Variants in SEMA3C observed in about 807,000 individuals in gnomAD.
The protein encoded by SEMA3C is semaphorin 3C, also known as semaphorin-3C.
A neutral mutation model predicts 89.4 loss-of-function variants in SEMA3C; 47 were observed. The ratio of observed to expected loss-of-function variants is 0.53; its 90% CI spans 0.42 to 0.67. The LOEUF is 0.67. SEMA3C is among the 30% of genes least tolerant of loss of function. The pLI is 0.00. For synonymous variants in SEMA3C, 310 were observed against 320.2 expected, an observed-to-expected ratio of 0.97 and a Z score of 0.34; for missense variants, 839 against 929.1, an observed-to-expected ratio of 0.90 and a Z score of 1.26.
chr7:80,803,932 T>A (rs1374727427), intron 8 of SEMA3C, among the ~76,000 whole-genome samples, 174 bp downstream of exon 8: 3 of 151,538 alleles, frequency 2.0e-5, no homozygotes, highest in Non-Finnish European at 4.4e-5. Flanking sequence ...ATAAACACTA[T>A]ATTCAATATA....
At chr7:80,832,412 C>A (rs10251375) in intron 2 of SEMA3C, among the ~76,000 whole-genome samples, 96,963 of 151,940 alleles carry the variant, frequency 0.64, 31,216 homozygotes, top group Middle Eastern at 0.78. Context: ...CATGAGGAGA[C>A]ACTGTAGATT....
At chr7:80,885,381 C>T (rs1288317349) in intron 2 of SEMA3C, among the ~76,000 whole-genome samples, 1 of 152,082 alleles carries the variant, frequency 6.6e-6, no homozygotes, top group Non-Finnish European at 1.5e-5. Context: ...CTTTGGGAGG[C>T]TGAGGTGGGC....
intron 12 of SEMA3C, among the ~76,000 whole-genome samples, chr7:80,772,875 C>A (rs905307869): frequency 1.3e-5 from 2 of 152,092 alleles, no homozygotes; most frequent in Non-Finnish European, 2.9e-5. Context: ...CAAACAGTTT[C>A]TCAGAGTCTG....
intron 2 of SEMA3C, among the ~76,000 whole-genome samples, chr7:80,899,319 G>A (rs866560561): frequency 2.0e-5 from 3 of 152,186 alleles, no homozygotes. Context: ...GGGATTACAG[G>A]TGTGAGCCAC....
At chr7:80,826,903 G>T (rs1197050784) in intron 4 of SEMA3C, among the ~76,000 whole-genome samples, 1 of 152,058 alleles carries the variant, frequency 6.6e-6, no homozygotes, top group Non-Finnish European at 1.5e-5. Flanking sequence ...AATTTGCACA[G>T]GTATTGCATA....
At chr7:80,877,787 T>C (rs1359774552) in intron 2 of SEMA3C, among the ~76,000 whole-genome samples, 1 of 152,128 alleles carries the variant, frequency 6.6e-6, no homozygotes, top group African/African-American at 2.4e-5. Flanking sequence ...TATTTTTAAT[T>C]TTTTTTTCAG....
chr7:80,852,825 C>A (rs1790546440), intron 2 of SEMA3C, among the ~76,000 whole-genome samples: 1 of 151,960 alleles, frequency 6.6e-6, no homozygotes, highest in Admixed American at 6.6e-5. Flanking sequence ...ACTACAGGTG[C>A]CCACCACCAC....
At chr7:80,761,759 C>T in intron 13 of SEMA3C, 102 bp from the exon 14 acceptor site, 1 of 627,210 alleles carries the variant, frequency 1.6e-6, no homozygotes, top group Non-Finnish European at 2.8e-6. Flanking sequence ...AATCACTTTT[C>T]TTTATATATA....
At chr7:80,813,499 A>T (rs1789519352) in intron 5 of SEMA3C, among the ~76,000 whole-genome samples, 1 of 152,234 alleles carries the variant, frequency 6.6e-6, no homozygotes, top group Non-Finnish European at 1.5e-5. Context: ...CCCTTAAATG[A>T]TATATCTTCA....
chr7:80,864,940 T>C (rs1790890085), intron 2 of SEMA3C, among the ~76,000 whole-genome samples: 1 of 152,176 alleles, frequency 6.6e-6, no homozygotes, highest in Admixed American at 6.6e-5. Flanking sequence ...TCACTTCCTC[T>C]CATTGTTTTT....
chr7:80,867,207 C>T (rs910173896), intron 2 of SEMA3C, among the ~76,000 whole-genome samples: 6 of 152,244 alleles, frequency 3.9e-5, no homozygotes, highest in Non-Finnish European at 7.4e-5. Context: ...TTAAAACAAA[C>T]AGAAAATATC....
chr7:80,882,082 C>T (rs1360557749), intron 2 of SEMA3C, among the ~76,000 whole-genome samples: 1 of 152,146 alleles, frequency 6.6e-6, no homozygotes, highest in African/African-American at 2.4e-5. Flanking sequence ...CACTGTCCAT[C>T]CACGAAGTAC....
At chr7:80,851,017 G>T (rs1001272431) in intron 2 of SEMA3C, among the ~76,000 whole-genome samples, 7 of 151,940 alleles carry the variant, frequency 4.6e-5, no homozygotes, top group Non-Finnish European at 8.8e-5. Context: ...TCATTTCTTG[G>T]CTTGAGACCA....
At chr7:80,804,079 T>C (rs1479173807) in intron 8 of SEMA3C, 27 bp downstream of exon 8, 4 of 1,559,264 alleles carry the variant, frequency 2.6e-6, no homozygotes, top group Non-Finnish European at 3.5e-6. Context: ...TGGTCTTTCT[T>C]CAAATCGGAA....
intron 2 of SEMA3C, among the ~76,000 whole-genome samples, chr7:80,833,045 G>C (rs545513264): frequency 6.6e-6 from 1 of 151,982 alleles, no homozygotes; most frequent in African/African-American, 2.4e-5. Context: ...AAAACCAAGA[G>C]TGTGATCTTA....
intron 2 of SEMA3C, among the ~76,000 whole-genome samples, chr7:80,908,312 G>C (rs186739252): frequency 1.8e-4 from 28 of 152,232 alleles, no homozygotes; most frequent in African/African-American, 6.5e-4. Flanking sequence ...TCAAATTTCA[G>C]CGATGAATGA....
At chr7:80,754,925 C>T (rs1161841200) in intron 15 of SEMA3C, among the ~76,000 whole-genome samples, 1 of 84,980 alleles carries the variant, frequency 1.2e-5, no homozygotes, top group Non-Finnish European at 2.5e-5. Flanking sequence ...TTACAGATGC[C>T]TGCCACCATG....
chr7:80,842,088 C>A (rs145472686), intron 2 of SEMA3C, among the ~76,000 whole-genome samples: 11 of 152,100 alleles, frequency 7.2e-5, no homozygotes, highest in African/African-American at 2.4e-4. Flanking sequence ...CAGTGCTCAG[C>A]GGCTGGAGCA....
At chr7:80,842,734 T>C (rs1790298903) in intron 2 of SEMA3C, among the ~76,000 whole-genome samples, 1 of 152,094 alleles carries the variant, frequency 6.6e-6, no homozygotes, top group Non-Finnish European at 1.5e-5. Context: ...GTGGTGTTAT[T>C]TGAGGGACTG....
Sources: gnomAD v4.1 joint callset for allele counts (sites outside exome capture counted in the v4.1 genomes callset) on GRCh38, gnomAD v4.1.1 for gene constraint, MANE v1.5 for transcripts, NCBI Gene and HGNC (gene_info 2026-07-23, HGNC 2026-07-21) for gene names.